The following LGI3 variants were observed in gnomAD, a reference collection of about 807,000 sequenced individuals.
The protein encoded by LGI3 is leucine rich repeat LGI family member 3.
A neutral mutation model predicts 55.4 loss-of-function variants in LGI3; 47 were observed. That is an observed-to-expected ratio of 0.85 (90% CI 0.67 to 1.08). LGI3 has a LOEUF of 1.08. LGI3 is among the 50% of genes least tolerant of loss of function. LGI3 has a pLI of 0.00. For synonymous variants in LGI3, 326 were observed against 315.0 expected, an observed-to-expected ratio of 1.04 and a Z score of -0.37; for missense variants, 664 against 726.3, an observed-to-expected ratio of 0.91 and a Z score of 0.99.
At chr8:22,151,379 G>T in intron 7 of LGI3, 110 bp downstream of exon 7, 1 of 1,029,434 alleles carries the variant, frequency 9.7e-7, no homozygotes, top group Non-Finnish European at 1.5e-6. Context: ...TGGGCAGAGG[G>T]TATGTCTCAT....
chr8:22,150,171 A>G (rs911207649), intron 7 of LGI3, among the ~76,000 whole-genome samples: 21 of 152,118 alleles, frequency 1.4e-4, no homozygotes, highest in Non-Finnish European at 7.4e-5. Flanking sequence ...GATTGGTGTT[A>G]GTTCCTCCTT....
At chr8:22,152,468 G>C (rs1287958484) in intron 5 of LGI3, among the ~76,000 whole-genome samples, 2 of 152,204 alleles carry the variant, frequency 1.3e-5, no homozygotes, top group Non-Finnish European at 1.5e-5. Flanking sequence ...CACAGGCTGG[G>C]CATGGTGGCT....
rs201040656 is a variant in LGI3 at position 22,148,333 on chromosome 8, T to C, written c.1474A>G (p.Ile492Val). 2.7e-5 allele frequency: 43 copies of C among 1,614,042 alleles called. No homozygotes were observed. The highest frequency in any genetic ancestry group is 3.4e-5 in the Non-Finnish European group (40 of 1,179,988). Reference sequence around the variant, plus strand: ...TGTCGTCCCTCATCCCACTGGTAGATCTGGGTGAAGGAGAAATCACTGCCC... The same window carrying C: ...TGTCGTCCCTCATCCCACTGGTAGACCTGGGTGAAGGAGAAATCACTGCCC... ...ALGSDFSFTQ[I>V]YQWDEGRQKF... The change falls in exon 8 of 8, where the codon ATC becomes GTC. Residue 492 changes from isoleucine (I) to valine (V), a missense_variant. By Grantham distance (29) the Ile-to-Val change is conservative. Transcript: ENST00000306317. This position sits in a 1 kb window ranked among gnomAD's most constrained non-coding sequence, Gnocchi z 7.0.
At chr8:22,152,120 A>G in intron 5 of LGI3, 120 bp from the exon 6 acceptor site, 4 of 731,750 alleles carry the variant, frequency 5.5e-6, no homozygotes, top group Non-Finnish European at 8.7e-6. Flanking sequence ...AGTTGCTCAC[A>G]TGCATCTTTG....
intron 2 of LGI3, 61 bp from the exon 3 acceptor site, chr8:22,154,692 C>T (rs1211985364): frequency 2.3e-6 from 3 of 1,289,056 alleles, no homozygotes; most frequent in Non-Finnish European, 3.4e-6. Flanking sequence ...CAGCCCCCAG[C>T]CCGCTGCCTC....
intron 7 of LGI3, 97 bp from the exon 8 acceptor site, chr8:22,149,074 A>G (rs1827345961): frequency 2.5e-6 from 2 of 807,674 alleles, no homozygotes; most frequent in Non-Finnish European, 3.9e-6. Context: ...AACTTGGGCC[A>G]GGACTAAGAC....
At chr8:22,155,271 G>C in intron 2 of LGI3, 121 bp downstream of exon 2, 1 of 899,126 alleles carries the variant, frequency 1.1e-6, no homozygotes, top group Non-Finnish European at 1.8e-6. Flanking sequence ...AAAAGCAAGG[G>C]ACACCTGCAT....
At chr8:22,151,726 T>G (rs970794861) in intron 6 of LGI3, 73 bp from the exon 7 acceptor site, 10 of 1,578,412 alleles carry the variant, frequency 6.3e-6, no homozygotes, top group Admixed American at 1.7e-5. Context: ...GGTGGTTGCT[T>G]TACTGCTGCC....
chr8:22,152,107 G>C (rs1193319636), intron 5 of LGI3, 107 bp from the exon 6 acceptor site: 5 of 875,576 alleles, frequency 5.7e-6, no homozygotes, highest in Non-Finnish European at 8.5e-6. Flanking sequence ...CAAGGCTGCT[G>C]CAAGTTGCTC....
At chr8:22,155,534 G>A in intron 1 of LGI3, 71 bp from the exon 2 acceptor site, 2 of 1,265,124 alleles carry the variant, frequency 1.6e-6, no homozygotes, top group South Asian at 2.4e-5. Flanking sequence ...GGTGAACACG[G>A]AGGGCAGTAG....
In LGI3 at chr8:22,156,650, T is replaced by C; in HGVS notation, c.-108A>G. On this transcript the variant is annotated 5_prime_UTR_variant, in exon 1 of 8. Transcript: ENST00000306317. ...GCACCTCCCTGCCACCGGCAGCTGCTACCGCAGCCAGGGGCCCGCCTGCGG... is the reference window on the plus strand; with the variant it reads ...GCACCTCCCTGCCACCGGCAGCTGCCACCGCAGCCAGGGGCCCGCCTGCGG... 1 of 290,804 alleles carries C rather than the reference T, an allele frequency of 3.4e-6. No homozygotes were observed. The allele number at this position is 290,804 out of a possible 1,614,324, so 18.0% of individuals were successfully genotyped here. A position where few individuals can be genotyped will look rare whatever the true frequency, so the allele number is the denominator to read the frequency against.
chr8:22,155,699 C>T (rs1006940699), intron 1 of LGI3, among the ~76,000 whole-genome samples: 2 of 152,268 alleles, frequency 1.3e-5, no homozygotes, highest in African/African-American at 2.4e-5. Context: ...CTCAGCTTCC[C>T]TCTCAGGCAA....
At position 22,148,632 on chromosome 8, in the gene LGI3, A is replaced by G; in HGVS notation, c.1175T>C (p.Val392Ala). Residue 392 changes from valine (V) to alanine (A), a missense_variant, in exon 8 of 8, where the codon GTG (valine) becomes GCG (alanine). Val to Ala is a moderately conservative substitution (Grantham distance 64, BLOSUM62 0). Coordinates refer to ENST00000306317, the MANE Select transcript of LGI3 (RefSeq NM_139278.4). The surrounding 1 kb of genome is among the most constrained non-coding windows in gnomAD (Gnocchi z 7.0). The stretch of plus-strand genomic sequence containing the variant: ...GACGGGTGCCTGGGAGCTGCTGGAC[A>G]CAATCAGCCGTGGCTTGCCCTCGCC... ...VDGEGKPRLI[V>A]SSSSQAPVIY... 1.2e-6 allele frequency: 2 copies of G among 1,613,974 alleles called. No homozygotes were observed. The highest frequency in any genetic ancestry group is 1.7e-6 in the Non-Finnish European group (2 of 1,179,994).
In LGI3 at chr8:22,147,478, C is replaced by CG. The variant is rs11418959; in HGVS notation, c.*681dup. The stretch of plus-strand genomic sequence containing the variant: ...CCACCATTCTCATCCTTATCAGTTC[C>CG]GGGGGGGGCACGCTGGGGGTGAGCA... On this transcript the variant is annotated 3_prime_UTR_variant, in exon 8 of 8. Transcript: ENST00000306317. 9.7e-3 allele frequency: 1,460 copies of CG among 150,950 alleles called. 21 individuals carry two copies. The highest frequency in any genetic ancestry group is 0.033 in the African/African-American group (1,359 of 40,886). 9.4% of individuals were successfully genotyped at this position (150,950 alleles called of 1,614,324 possible).
Position 22,156,428 on chromosome 8 carries a change from AG to A in LGI3, c.114del (p.Cys39AlafsTer31), listed in dbSNP as rs1232711946. On this transcript the variant is annotated frameshift_variant, in exon 1 of 8. Transcript: ENST00000306317. LOFTEE classifies it high-confidence loss of function. ...VSAKRPPKTP[P>X]CPPSCSCTRD... Reference sequence around the variant, plus strand: ...CTGGTGCAAGAGCAGCTGGGCGGGCAGGGGGGCGTCTTGGGGGGCCTCTTAG... The same window carrying A: ...CTGGTGCAAGAGCAGCTGGGCGGGCAGGGGGCGTCTTGGGGGGCCTCTTAG... 3 of 1,582,490 alleles carry A rather than the reference AG, an allele frequency of 1.9e-6. No individual in the cohort carries two copies. The highest frequency in any genetic ancestry group is 1.4e-5 in the African/African-American group (1 of 72,772).
At chr8:22,155,344 C>T in intron 2 of LGI3, 48 bp downstream of exon 2, 1 of 1,570,532 alleles carries the variant, frequency 6.4e-7, no homozygotes, top group Non-Finnish European at 8.8e-7. Context: ...TTGTCCCCTG[C>T]TACCACCCCA....
In LGI3 at chr8:22,154,006, G is replaced by A. The variant is rs773924689; in HGVS notation, c.456C>T (p.Pro152=). 1.2e-6 allele frequency: 2 copies of A among 1,614,178 alleles called. No homozygotes were observed. The highest frequency in any genetic ancestry group is 1.7e-6 in the Non-Finnish European group (2 of 1,180,040). The change falls in exon 5 of 8, where the codon CCC becomes CCT. Residue 152 remains proline, a synonymous_variant. Coordinates refer to ENST00000306317, the MANE Select transcript of LGI3 (RefSeq NM_139278.4). ...TGTCCAGGGGCCGGAAGATGTCTCT[G>A]GGCAGTGTCTGCAGGTTATTGTTGG... The part of the protein sequence containing the change: ...SLANNNLQTL[P]RDIFRPLDIL...
In LGI3 at chr8:22,156,490, G is replaced by A. The variant is rs780660423; in HGVS notation, c.53C>T (p.Ser18Phe). 3.7e-4 allele frequency: 528 copies of A among 1,419,512 alleles called. No individual in the cohort carries two copies. The highest frequency in any genetic ancestry group is 6.7e-4 in the Admixed American group (22 of 32,906). 87.9% of individuals were successfully genotyped at this position (1,419,512 alleles called of 1,614,324 possible). The change falls in exon 1 of 8, where the codon TCC (serine) becomes TTC (phenylalanine). Residue 18 changes from serine (S) to phenylalanine (F), a missense_variant. By Grantham distance (155) the Ser-to-Phe change is radical. Coordinates refer to ENST00000306317, the MANE Select transcript of LGI3 (RefSeq NM_139278.4). ...CAGCATGAGGCAGAAGCCGAGCGCGGAGAGCGCCAGCAGCCCCGGCCCCGG... is the reference window on the plus strand; with the variant it reads ...CAGCATGAGGCAGAAGCCGAGCGCGAAGAGCGCCAGCAGCCCCGGCCCCGG... Reference protein sequence around the residue: ...GGPGPGLLALSALGFCLMLQV... With the variant: ...GGPGPGLLALFALGFCLMLQV...
Position 22,151,904 on chromosome 8 carries a change from G to T in LGI3, c.591C>A (p.Cys197Ter). ...HTNTTVAPIY[C>*]ASPPRFQEHK... Reference sequence around the variant, plus strand: ...GCTCCTGGAAGCGGGGCGGGCTGGCGCAGTAGATGGGTGCCACCGTGGTGT... The same window carrying T: ...GCTCCTGGAAGCGGGGCGGGCTGGCTCAGTAGATGGGTGCCACCGTGGTGT... The change falls in exon 6 of 8, where the codon TGC (cysteine) becomes TGA (stop). Residue 197 changes from cysteine to a stop codon, truncating the protein, a stop_gained. Coordinates refer to ENST00000306317, the MANE Select transcript of LGI3 (RefSeq NM_139278.4). LOFTEE classifies it high-confidence loss of function. 6.2e-7 allele frequency: 1 copy of T among 1,613,242 alleles called. No homozygotes were observed. The highest frequency in any genetic ancestry group is 8.5e-7 in the Non-Finnish European group (1 of 1,179,940).
Sources: allele counts gnomAD v4.1 joint callset (sites outside exome capture counted in the v4.1 genomes callset), GRCh38; gene constraint gnomAD v4.1.1; non-coding constraint Gnocchi (gnomAD v3.1); transcripts MANE v1.5; gene names NCBI Gene and HGNC (gene_info 2026-07-23, HGNC 2026-07-21).